SCOC: variants seen among roughly 807,000 people sequenced by gnomAD.
SCOC encodes the protein short coiled-coil protein.
SCOC carries 7 observed loss-of-function variants against 9.9 expected under a neutral mutation model. The observed-to-expected ratio is 0.71, with a 90% CI of 0.40 to 1.33. The LOEUF (loss-of-function observed/expected upper bound fraction) is 1.33, where lower values mean the gene tolerates loss of function less well. SCOC is among the 40% of genes most tolerant of loss of function. The pLI, the probability that SCOC is intolerant of heterozygous loss-of-function variation, is 0.01. For synonymous variants in SCOC, 19 were observed against 28.2 expected, an observed-to-expected ratio of 0.67 and a Z score of 1.03; for missense variants, 66 against 89.7, an observed-to-expected ratio of 0.74 and a Z score of 1.07.
At chr4:140,360,507 T>C (rs1255747444) in intron 2 of SCOC, among the ~76,000 whole-genome samples, 2 of 152,292 alleles carry the variant, frequency 1.3e-5, no homozygotes, top group East Asian at 3.9e-4. Flanking sequence ...GTAAGGAAAA[T>C]GACTTTCTAG....
rs114684113 is a variant in SCOC at position 140,289,945 on chromosome 4, G to T, written c.-19+32535G>T. Among the ~76,000 whole-genome samples, 541 of 152,326 alleles carry T rather than the reference G, an allele frequency of 3.6e-3. 4 individuals are homozygous for T. Among genetic ancestry groups the T allele is most frequent in the African/African-American group, 0.012 (516 of 41,572 alleles). ...TACTTTTAGTGGGTATTAAAGTGTGGTGCAGCAATCTTGACACTTAATGCT... is the reference window on the plus strand; with the variant it reads ...TACTTTTAGTGGGTATTAAAGTGTGTTGCAGCAATCTTGACACTTAATGCT... On this transcript the variant is annotated intron_variant, in intron 1 of 4. Coordinates refer to the SCOC transcript ENST00000394205.
intron 2 of SCOC, chr4:140,366,700 C>T (rs1727813903): frequency 1.3e-6 from 2 of 1,590,574 alleles, no homozygotes; most frequent in Admixed American, 3.3e-5. Context: ...GAGCTGCATG[C>T]ACTTGAAAGG....
At chr4:140,293,157 T>C in intron 1 of SCOC, 1 of 388,786 alleles carries the variant, frequency 2.6e-6, no homozygotes, top group South Asian at 1.9e-5. Context: ...GTCTGAATCA[T>C]TGCACATGCA....
intron 2 of SCOC, among the ~76,000 whole-genome samples, chr4:140,357,000 C>G (rs545939695): frequency 6.6e-6 from 1 of 152,254 alleles, no homozygotes; most frequent in East Asian, 1.9e-4. Flanking sequence ...GACAGGGTCT[C>G]GCTCTGTTGC....
chr4:140,273,722 A>T (rs560375215), intron 1 of SCOC, among the ~76,000 whole-genome samples: 1 of 152,306 alleles, frequency 6.6e-6, no homozygotes, highest in Non-Finnish European at 1.5e-5. Flanking sequence ...TTATTGCATA[A>T]TTTGTTCATG....
chr4:140,378,398 A>T (rs923687489), intron 1 of SCOC, among the ~76,000 whole-genome samples: 1 of 152,044 alleles, frequency 6.6e-6, no homozygotes, highest in African/African-American at 2.4e-5. Flanking sequence ...AATTTACATC[A>T]GTGAATATAC....
At chr4:140,273,623 C>T (rs1185177242) in intron 1 of SCOC, among the ~76,000 whole-genome samples, 1 of 149,584 alleles carries the variant, frequency 6.7e-6, no homozygotes, top group South Asian at 2.1e-4. Context: ...GGGCTCAGTG[C>T]CGAGCTCTGA....
chr4:140,298,312 G>A (rs535433963), intron 1 of SCOC, among the ~76,000 whole-genome samples: 8 of 152,216 alleles, frequency 5.3e-5, no homozygotes, highest in East Asian at 1.9e-4. Context: ...CAGAATTCTG[G>A]GCCTCAGAAA....
chr4:140,368,312 A>G (rs1386055374), intron 2 of SCOC, among the ~76,000 whole-genome samples: 2 of 152,344 alleles, frequency 1.3e-5, no homozygotes, highest in East Asian at 1.9e-4. Context: ...TCAGTTTTGA[A>G]CTTAGCTTTA....
intron 1 of SCOC, among the ~76,000 whole-genome samples, chr4:140,338,284 T>C (rs1209248301): frequency 6.6e-6 from 1 of 152,176 alleles, no homozygotes; most frequent in East Asian, 1.9e-4. Context: ...AATTAGGTAT[T>C]GATGGGACGT....
At chr4:140,296,406 G>T (rs1377928705) in intron 1 of SCOC, among the ~76,000 whole-genome samples, 7 of 152,186 alleles carry the variant, frequency 4.6e-5, no homozygotes, top group Non-Finnish European at 8.8e-5. Context: ...AGCTGGATGT[G>T]CTGAATAAGA....
intron 1 of SCOC, among the ~76,000 whole-genome samples, chr4:140,288,895 C>T (rs1731384224): frequency 6.6e-6 from 1 of 151,960 alleles, no homozygotes; most frequent in African/African-American, 2.4e-5. Flanking sequence ...ACATACACAG[C>T]TCCACCATAT....
At position 140,384,462 on chromosome 4, in the gene SCOC, T is replaced by G. The variant is rs766240414; in HGVS notation, c.*3358T>G. On this transcript the variant is annotated 3_prime_UTR_variant, in exon 4 of 4. Transcript: ENST00000608372. The stretch of plus-strand genomic sequence containing the variant: ...AAATCCTGCTAAATGAGTTTAGAGA[T>G]AATCCCATCCTCAATAACTGATGAT... 5.3e-5 allele frequency: 8 copies of G among 152,204 alleles called. No individual in the cohort carries two copies. Among genetic ancestry groups the G allele is most frequent in the Non-Finnish European group, 5.9e-5 (4 of 68,040 alleles). The allele number at this position is 152,204 out of a possible 1,614,324, so 9.4% of individuals were successfully genotyped here. A position where few individuals can be genotyped will look rare whatever the true frequency, so the allele number is the denominator to read the frequency against.
intron 2 of SCOC, chr4:140,366,214 T>A (rs1279547787): frequency 1.3e-6 from 1 of 750,048 alleles, no homozygotes; most frequent in Admixed American, 5.0e-5. Context: ...AATAGAACTT[T>A]TATTACTTTT....
chr4:140,376,172 A>G (rs892252207), intron 1 of SCOC, among the ~76,000 whole-genome samples: 2 of 152,240 alleles, frequency 1.3e-5, no homozygotes, highest in African/African-American at 4.8e-5. Flanking sequence ...TTGGGGATCA[A>G]TACTATTTTA....
At chr4:140,315,288 C>T (rs933505458) in intron 1 of SCOC, among the ~76,000 whole-genome samples, 14 of 152,144 alleles carry the variant, frequency 9.2e-5, no homozygotes, top group African/African-American at 3.1e-4. Context: ...AACGGGTATG[C>T]CTAACAGTAT....
rs1004707294 is a variant in SCOC at position 140,332,026 on chromosome 4, G to A, written c.-18-11595G>A. Among the ~76,000 whole-genome samples, 5 of 151,996 alleles carry A rather than the reference G, an allele frequency of 3.3e-5. No individual in the cohort carries two copies. The East Asian group carries it at 9.7e-4, about 29-fold the overall frequency. On this transcript the variant is annotated intron_variant, in intron 1 of 4. Transcript: ENST00000394205. ...CAGGAGCAGGAGGAAGAGAGAGATG[G>A]GGAGGTGCCGCACACTTTAGAATGC... is the stretch of plus-strand genomic sequence containing the variant.
intron 1 of SCOC, among the ~76,000 whole-genome samples, chr4:140,292,924 C>T (rs937665587): frequency 2.0e-5 from 3 of 152,190 alleles, no homozygotes; most frequent in Non-Finnish European, 4.4e-5. Context: ...TTATCAAATT[C>T]TGTGTTGGCA....
chr4:140,301,411 T>G (rs1560690875), intron 1 of SCOC, among the ~76,000 whole-genome samples: 1 of 152,050 alleles, frequency 6.6e-6, no homozygotes, highest in Non-Finnish European at 1.5e-5. Context: ...GTACAAATAT[T>G]AATTCCAACA....
Sources: gnomAD v4.1 joint callset for allele counts (sites outside exome capture counted in the v4.1 genomes callset) on GRCh38, gnomAD v4.1.1 for gene constraint, MANE v1.5 for transcripts, NCBI Gene and HGNC (gene_info 2026-07-23, HGNC 2026-07-21) for gene names.